Variants in LIPH observed in about 807,000 individuals in gnomAD.
LIPH encodes the protein lipase H, also known as lipase member H.
Under a neutral mutation model 47.6 loss-of-function variants are expected in LIPH, and 32 were observed. That is an observed-to-expected ratio of 0.67 (90% confidence interval 0.51 to 0.90). The LOEUF is 0.90. Among genes scored for constraint, LIPH ranks in the 40% least tolerant of loss-of-function variants. LIPH has a pLI of 0.00. For synonymous variants in LIPH, 190 were observed against 195.6 expected, an observed-to-expected ratio of 0.97 and a Z score of 0.24; for missense variants, 497 against 541.4, an observed-to-expected ratio of 0.92 and a Z score of 0.81.
chr3:185,516,973 G>A (rs1309772307), intron 7 of LIPH, 94 bp downstream of exon 7: 10 of 840,396 alleles, frequency 1.2e-5, no homozygotes, highest in Admixed American at 5.1e-5. Flanking sequence ...CTTCATCATG[G>A]CTCTTATTTG....
In LIPH at chr3:185,508,944, A is replaced by G. The variant is rs1577659988; in HGVS notation, c.1269-67T>C. The G allele has an allele frequency of 1.6e-5, 15 of 925,304 alleles. No homozygotes were observed. In the South Asian group the frequency reaches 1.9e-4, roughly 12 times the overall value. 57.3% of individuals were successfully genotyped at this position (925,304 alleles called of 1,614,324 possible). On this transcript the variant is annotated intron_variant, in intron 9 of 9. Transcript: ENST00000296252. ...AAAATGCAATGGTCTAGTAAATAAT[A>G]TTATATCCTTAAGATACAAAATTAT...
chr3:185,548,488 G>A (rs1720951228), intron 1 of LIPH, among the ~76,000 whole-genome samples: 1 of 152,042 alleles, frequency 6.6e-6, no homozygotes, highest in Non-Finnish European at 1.5e-5. Flanking sequence ...AGCACTTTGG[G>A]AGGCCGAGGT....
chr3:185,547,862 T>TTTC (rs1274540328), intron 1 of LIPH, among the ~76,000 whole-genome samples: 1 of 151,756 alleles, frequency 6.6e-6, no homozygotes, highest in East Asian at 1.9e-4. Context: ...AAAGAAAGTA[T>TTTC]TTACTGAGAC....
At chr3:185,522,436 GAGAA>G (rs1237295749) in intron 5 of LIPH, among the ~76,000 whole-genome samples, 1 of 147,906 alleles carries the variant, frequency 6.8e-6, no homozygotes, top group Non-Finnish European at 1.5e-5. Context: ...AAAGAAAGAA[GAGAA>G]AGGAAGGAAG....
rs1721079195 is a variant in LIPH at position 185,552,478 on chromosome 3, A to G, written c.-7T>C. On this transcript the variant is annotated 5_prime_UTR_variant, in exon 1 of 10. Coordinates refer to ENST00000296252, the MANE Select transcript of LIPH (RefSeq NM_139248.3). Reference sequence around the variant, plus strand: ...ATAAGTAGAATCTCAACATATGGAAACTGGAGAGATCGTGTGTCACATTCA... The same window carrying G: ...ATAAGTAGAATCTCAACATATGGAAGCTGGAGAGATCGTGTGTCACATTCA... 1.9e-6 allele frequency: 3 copies of G among 1,589,224 alleles called. No individual in the cohort carries two copies. The highest frequency in any genetic ancestry group is 3.3e-5 in the Admixed American group (2 of 59,970).
chr3:185,528,090 G>T lies in LIPH; in HGVS notation c.527-505C>A, dbSNP rs561194483. ...TACAAAAAAATTAGCTGGACGTGGTGGTGTGTGCCTGTAGTCCTAGCTACT... is the reference window on the plus strand; with the variant it reads ...TACAAAAAAATTAGCTGGACGTGGTTGTGTGTGCCTGTAGTCCTAGCTACT... On this transcript the variant is annotated intron_variant, in intron 3 of 9. Coordinates refer to ENST00000296252, the MANE Select transcript of LIPH (RefSeq NM_139248.3). Among the ~76,000 whole-genome samples, 6 of 151,848 alleles carry T rather than the reference G, an allele frequency of 4.0e-5. No homozygotes were observed. The South Asian group carries it at 1.3e-3, about 32-fold the overall frequency.
rs1720190811 is a variant in LIPH, at chr3:185,528,336, A to AAGAAAGAAAGAG, written c.527-752_527-751insCTCTTTCTTTCT. Among the ~76,000 whole-genome samples the AAGAAAGAAAGAG allele has an allele frequency of 2.0e-5, 3 of 151,426 alleles. No individual in the cohort carries two copies. In the South Asian group the frequency reaches 6.3e-4, roughly 32 times the overall value. ...GAAAGAAAGAAAGAAGAAAGAAAGAAAGAAAGAAAGAAAGAAAGAAAGCGC... is the reference window on the plus strand; with the variant it reads ...GAAAGAAAGAAAGAAGAAAGAAAGAAAGAAAGAAAGAGAGAAAGAAAGAAAGAAAGAAAGCGC... On this transcript the variant is annotated intron_variant, in intron 3 of 9. Transcript: ENST00000296252.
At chr3:185,517,205 T>G in intron 6 of LIPH, 43 bp from the exon 7 acceptor site, 1 of 1,090,582 alleles carries the variant, frequency 9.2e-7, no homozygotes. Context: ...ATATGTATTA[T>G]ACAAACATAA....
chr3:185,530,406 AGGCGG>A, intron 3 of LIPH, among the ~76,000 whole-genome samples: 1 of 152,232 alleles, frequency 6.6e-6, no homozygotes, highest in African/African-American at 2.4e-5. Context: ...TGAACCTAGG[AGGCGG>A]AGGTTGCAAT....
At chr3:185,527,870 G>C (rs898992284) in intron 3 of LIPH, among the ~76,000 whole-genome samples, 5 of 150,214 alleles carry the variant, frequency 3.3e-5, no homozygotes, top group Non-Finnish European at 7.4e-5. Context: ...CGTGTATGAG[G>C]TTCAAGGGGT....
intron 3 of LIPH, 34 bp downstream of exon 3, chr3:185,533,537 G>T (rs777064112): frequency 7.0e-7 from 1 of 1,434,494 alleles, no homozygotes; most frequent in South Asian, 1.1e-5. Context: ...ACCCTGCCCA[G>T]GCTACCAACC....
At chr3:185,547,138 C>CA (rs200586248) in intron 1 of LIPH, among the ~76,000 whole-genome samples, 4,776 of 129,304 alleles carry the variant, frequency 0.037, 98 homozygotes, top group Middle Eastern at 0.06. Flanking sequence ...GACTCCGTCT[C>CA]AAAAAAAAAA....
At chr3:185,526,637 TAAATAAA>T (rs1205503015) in intron 4 of LIPH, among the ~76,000 whole-genome samples, 11 of 138,928 alleles carry the variant, frequency 7.9e-5, no homozygotes, top group South Asian at 4.4e-4. Context: ...AAATATAAAA[TAAATAAA>T]ATAAAATAAA....
At position 185,519,237 on chromosome 3, in the gene LIPH, GT is replaced by G. The variant is rs1418465348; in HGVS notation, c.790del (p.Thr264ProfsTer43). 1.9e-6 allele frequency: 3 copies of G among 1,611,492 alleles called. No individual in the cohort carries two copies. The highest frequency in any genetic ancestry group is 2.5e-6 in the Non-Finnish European group (3 of 1,177,630). On this transcript the variant is annotated frameshift_variant, in exon 6 of 10. Transcript: ENST00000296252. ...LYLSSLRESC[T>X]ITAYPCDSYQ... Reference sequence around the variant, plus strand: ...GGAGTCACAGGGATACGCAGTGATGGTGCAGCTCTCTCTCAGGGAAGACAGG... The same window carrying G: ...GGAGTCACAGGGATACGCAGTGATGGGCAGCTCTCTCTCAGGGAAGACAGG...
chr3:185,519,651 C>T (rs1719838957), intron 5 of LIPH, among the ~76,000 whole-genome samples: 2 of 151,858 alleles, frequency 1.3e-5, no homozygotes, highest in South Asian at 2.1e-4. Context: ...GCCTGGCCAA[C>T]ATGGGGAAAC....
chr3:185,522,651 AAAGAAAGAAAGAAAGAAAGAAAG>A (rs1244072861), intron 5 of LIPH, among the ~76,000 whole-genome samples: 1 of 3,398 alleles, frequency 2.9e-4, no homozygotes, highest in Non-Finnish European at 4.8e-4. Flanking sequence ...AGAGAAAGAA[AAAGAAAGAAAGAAAGAAAGAAAG>A]AAAGAAAGAA....
At chr3:185,536,662 A>AC (rs925292605) in intron 1 of LIPH, among the ~76,000 whole-genome samples, 19 of 151,896 alleles carry the variant, frequency 1.3e-4, no homozygotes, top group Non-Finnish European at 2.5e-4. Flanking sequence ...CACAAAACCA[A>AC]CCCCCCCAAA....
chr3:185,516,598 G>A (rs1282859660), intron 7 of LIPH, among the ~76,000 whole-genome samples: 1 of 151,982 alleles, frequency 6.6e-6, no homozygotes, highest in Non-Finnish European at 1.5e-5. Context: ...TCAACCTCTC[G>A]AGGCCTTTGG....
chr3:185,527,370 A>G (rs920511963), intron 4 of LIPH, 114 bp downstream of exon 4: 12 of 843,366 alleles, frequency 1.4e-5, no homozygotes, highest in Non-Finnish European at 2.1e-5. Context: ...CCTGCCTGGA[A>G]AAAAAAGTTA....
Sources: allele counts gnomAD v4.1 joint callset (sites outside exome capture counted in the v4.1 genomes callset), GRCh38; gene constraint gnomAD v4.1.1; transcripts MANE v1.5; gene names NCBI Gene and HGNC (gene_info 2026-07-23, HGNC 2026-07-21).